ATP2B4: variants seen among roughly 807,000 people sequenced by gnomAD.
The protein encoded by ATP2B4 is ATPase plasma membrane Ca2+ transporting 4.
A neutral mutation model predicts 110.3 loss-of-function variants in ATP2B4; 39 were observed. The ratio of observed to expected loss-of-function variants is 0.35; its 90% CI spans 0.27 to 0.46. The LOEUF (loss-of-function observed/expected upper bound fraction) is 0.46. Among genes scored for constraint, ATP2B4 ranks in the 20% least tolerant of loss-of-function variants. The probability of loss-of-function intolerance (pLI) is 1.00; values close to 1 mark genes in which losing one functional copy is unlikely to be tolerated. For missense variants in ATP2B4, 1,135 were observed against 1,530.9 expected (o/e 0.74, Z 4.32); for synonymous variants, 538 against 571.7 (o/e 0.94, Z 0.84).
chr1:203,708,202 T>C, intron 10 of ATP2B4, 98 bp downstream of exon 10: 2 of 1,515,178 alleles, frequency 1.3e-6, no homozygotes, highest in African/African-American at 1.4e-5. Flanking sequence ...ACTGCCTAAA[T>C]TGCCATCCCA....
chr1:203,669,209 G>T (rs1205651169), intron 1 of ATP2B4, among the ~76,000 whole-genome samples: 1 of 152,154 alleles, frequency 6.6e-6, no homozygotes, highest in Non-Finnish European at 1.5e-5. Flanking sequence ...GAGAGTAGAT[G>T]GATTCCTTCA....
intron 1 of ATP2B4, among the ~76,000 whole-genome samples, chr1:203,665,891 G>A (rs1461907373): frequency 6.6e-6 from 1 of 152,036 alleles, no homozygotes; most frequent in Non-Finnish European, 1.5e-5. Flanking sequence ...GAGGGGATTT[G>A]TTTAGACTTT....
intron 15 of ATP2B4, 48 bp downstream of exon 15, chr1:203,714,325 A>T: frequency 1.2e-6 from 2 of 1,605,098 alleles, no homozygotes; most frequent in Non-Finnish European, 8.5e-7. Context: ...CTTCTCCATC[A>T]GGAAGCCAGG....
At chr1:203,728,382 C>T (rs1490371841) in intron 20 of ATP2B4, 2 of 301,304 alleles carry the variant, frequency 6.6e-6, no homozygotes, top group African/African-American at 4.4e-5. Context: ...TCTGTCTTCC[C>T]CTGCTCTCAC....
chr1:203,729,768 T>A, intron 20 of ATP2B4: 1 of 1,337,446 alleles, frequency 7.5e-7, no homozygotes, highest in South Asian at 1.2e-5. Context: ...TGGGCAGGCA[T>A]TGGAGTCCGG....
intron 16 of ATP2B4, 73 bp downstream of exon 16, chr1:203,720,813 G>A (rs113033813): frequency 6.7e-7 from 1 of 1,491,118 alleles, no homozygotes; most frequent in Middle Eastern, 2.1e-4. Flanking sequence ...GAAGACTACG[G>A]TGTGTTTACT....
At position 203,739,492 on chromosome 1, in the gene ATP2B4, G is replaced by A. The variant is rs775520226; in HGVS notation, c.3310-54G>A. 5.3e-5 allele frequency: 82 copies of A among 1,543,782 alleles called. 1 individual carries two copies. The highest frequency in any genetic ancestry group is 1.7e-4 in the Middle Eastern group (1 of 5,766). On this transcript the variant is annotated intron_variant, in intron 20 of 20. Coordinates refer to ENST00000357681, the MANE Select transcript of ATP2B4 (RefSeq NM_001684.5). ...AAATCCACCATCTCCTTGTTCTGCCGGCCAATTCTCACCTCTCTATTTTCT... is the reference window on the plus strand; with the variant it reads ...AAATCCACCATCTCCTTGTTCTGCCAGCCAATTCTCACCTCTCTATTTTCT...
intron 1 of ATP2B4, among the ~76,000 whole-genome samples, chr1:203,633,349 C>T (rs1231909780): frequency 6.6e-6 from 1 of 152,216 alleles, no homozygotes; most frequent in Non-Finnish European, 1.5e-5. Context: ...AATCCTACCA[C>T]ACTGGGAGGC....
intron 19 of ATP2B4, among the ~76,000 whole-genome samples, chr1:203,726,862 T>C (rs547800614): frequency 1.3e-4 from 20 of 152,336 alleles, no homozygotes; most frequent in African/African-American, 4.8e-4. Context: ...AGAAAACTTT[T>C]GGTATCCTTT....
chr1:203,711,895 A>ACAGGGACAGCTTAC, intron 12 of ATP2B4, 65 bp from the exon 13 acceptor site: 1 of 1,556,250 alleles, frequency 6.4e-7, no homozygotes, highest in Non-Finnish European at 8.7e-7. Flanking sequence ...GGACAGACAA[A>ACAGGGACAGCTTAC]CAGGGACAGC....
In ATP2B4 at chr1:203,683,286, G is replaced by A. The variant is rs1488022963; in HGVS notation, c.81G>A (p.Met27Ile). ...SREGDFGCTVMELRKLMELRS... is the reference protein window; with the variant it reads ...SREGDFGCTVIELRKLMELRS... ...AAGGGGACTTTGGCTGCACAGTAAT[G>A]GAACTGAGGAAGCTCATGGAGCTGC... The change falls in exon 2 of 21, where the codon ATG becomes ATA. Residue 27 changes from methionine to isoleucine, a missense_variant. Physicochemically the swap from Met to Ile is conservative, Grantham distance 10. Coordinates refer to ENST00000357681, the MANE Select transcript of ATP2B4 (RefSeq NM_001684.5). 1.2e-6 allele frequency: 2 copies of A among 1,614,078 alleles called. No individual in the cohort carries two copies. The highest frequency in any genetic ancestry group is 2.7e-5 in the African/African-American group (2 of 74,914).
chr1:203,708,338 G>A (rs1160530624), intron 10 of ATP2B4, among the ~76,000 whole-genome samples: 1 of 152,174 alleles, frequency 6.6e-6, no homozygotes, highest in East Asian at 1.9e-4. Context: ...CTCCCAATTA[G>A]CATGTAAAAG....
rs1184472955 is a variant in ATP2B4 at position 203,710,983 on chromosome 1, C to T, written c.1906C>T (p.Arg636Trp). The change falls in exon 12 of 21, where the codon CGG becomes TGG. Residue 636 changes from arginine (R) to tryptophan (W), a missense_variant. Around this residue, in one of 9 missense-constraint regions of ATP2B4, gnomAD observed 368 missense variants for 455.9 expected, o/e 0.81. Coordinates refer to ENST00000357681, the MANE Select transcript of ATP2B4 (RefSeq NM_001684.5). ...CGAGCCCATGGCCTGTGATGGACTCCGGACTATCTGCATAGCTTACCGGGA... is the reference window on the plus strand; with the variant it reads ...CGAGCCCATGGCCTGTGATGGACTCTGGACTATCTGCATAGCTTACCGGGA... ...VIEPMACDGLRTICIAYRDFD... is the reference protein window; with the variant it reads ...VIEPMACDGLWTICIAYRDFD... 1 of 1,614,022 alleles carries T rather than the reference C, an allele frequency of 6.2e-7. No homozygotes were observed. The highest frequency in any genetic ancestry group is 8.5e-7 in the Non-Finnish European group (1 of 1,179,980).
Position 203,721,425 on chromosome 1 carries a change from G to A in ATP2B4, c.2812+15G>A, listed in dbSNP as rs1000373884. 4 of 1,612,772 alleles carry A rather than the reference G, an allele frequency of 2.5e-6. No homozygotes were observed. The highest frequency in any genetic ancestry group is 1.1e-5 in the South Asian group (1 of 91,046). On this transcript the variant is annotated intron_variant, in intron 17 of 20. Transcript: ENST00000357681. ...TGTCTTTGCGGGTGAGCCACTTTGG[G>A]GGTGGGTAGCAGCTGGGGTCCTGGT... is the stretch of plus-strand genomic sequence containing the variant.
At chr1:203,711,239 A>G in intron 12 of ATP2B4, 131 bp downstream of exon 12, 3 of 795,802 alleles carry the variant, frequency 3.8e-6, no homozygotes, top group East Asian at 5.3e-5. Flanking sequence ...TTCCTGCTTC[A>G]CAGGACTGCT....
chr1:203,700,076 T>C (rs1665646234), intron 4 of ATP2B4, 130 bp from the exon 5 acceptor site: 1 of 1,128,234 alleles, frequency 8.9e-7, no homozygotes, highest in Non-Finnish European at 1.3e-6. Flanking sequence ...CCATGTACTC[T>C]CGGCCATTGC....
At chr1:203,672,824 G>A (rs1664715290) in intron 1 of ATP2B4, among the ~76,000 whole-genome samples, 1 of 152,108 alleles carries the variant, frequency 6.6e-6, no homozygotes, top group South Asian at 2.1e-4. Flanking sequence ...ACCTGAAAGG[G>A]GCCTGGGTGT....
chr1:203,663,500 G>A (rs1664411298), intron 1 of ATP2B4, among the ~76,000 whole-genome samples: 1 of 152,092 alleles, frequency 6.6e-6, no homozygotes, highest in Non-Finnish European at 1.5e-5. Context: ...GAGGAAGTAG[G>A]AGAACCTATA....
At chr1:203,716,203 A>G (rs75178534) in intron 15 of ATP2B4, among the ~76,000 whole-genome samples, 2,428 of 145,144 alleles carry the variant, frequency 0.017, 290 homozygotes, top group African/African-American at 0.059. Flanking sequence ...TGATGTAGTA[A>G]GAATACAGTT....
Sources: allele counts gnomAD v4.1 joint callset (sites outside exome capture counted in the v4.1 genomes callset), GRCh38; gene constraint gnomAD v4.1.1; regional missense constraint gnomAD v4.1.1; transcripts MANE v1.5; gene names NCBI Gene and HGNC (gene_info 2026-07-23, HGNC 2026-07-21).